Variants in FHIT observed in about 807,000 individuals in gnomAD.
The protein encoded by FHIT is bis(5'-adenosyl)-triphosphatase.
Under a neutral mutation model 17.9 loss-of-function variants are expected in FHIT, and 19 were observed. The observed-to-expected ratio is 1.06, with a 90% CI of 0.74 to 1.56. The LOEUF (loss-of-function observed/expected upper bound fraction) is 1.56. Ranked by LOEUF, FHIT falls within the 40% of genes most tolerant of loss-of-function variation. The pLI is 0.00. For missense variants in FHIT, 248 were observed against 189.2 expected, an observed-to-expected ratio of 1.31 and a Z score of -1.82; for synonymous variants, 81 against 69.7, an observed-to-expected ratio of 1.16 and a Z score of -0.81.
At position 59,938,799 on chromosome 3, in the gene FHIT, C is replaced by T. The variant is rs538833803; in HGVS notation, c.280-16385G>A. Among the ~76,000 whole-genome samples, 10 of 152,128 alleles carry T rather than the reference C, an allele frequency of 6.6e-5. No homozygotes were observed. The South Asian group carries it at 2.1e-3, about 32-fold the overall frequency. The stretch of plus-strand genomic sequence containing the variant: ...TGTAAAATATACTAGAAAAACCACC[C>T]CCTAACTAACTCCCCACAACCCAGG... On this transcript the variant is annotated intron_variant, in intron 7 of 9. Transcript: ENST00000492590.
intron 5 of FHIT, among the ~76,000 whole-genome samples, chr3:60,053,511 G>T (rs1020890648): frequency 6.6e-6 from 1 of 151,546 alleles, no homozygotes; most frequent in Admixed American, 6.6e-5. Flanking sequence ...ATGTGAACTG[G>T]CTATGGCAAA....
chr3:60,224,887 A>G (rs1422360149), intron 5 of FHIT, among the ~76,000 whole-genome samples: 4 of 151,698 alleles, frequency 2.6e-5, no homozygotes. Context: ...TGCCTGGCTA[A>G]TTTTTGTATT....
At chr3:60,368,622 C>T (rs1238251025) in intron 5 of FHIT, among the ~76,000 whole-genome samples, 4 of 151,862 alleles carry the variant, frequency 2.6e-5, no homozygotes, top group Non-Finnish European at 5.9e-5. Context: ...TGTAGCTTGC[C>T]TTTTTATTTT....
chr3:60,669,934 A>G lies in FHIT; in HGVS notation c.-17-132955T>C, dbSNP rs541732367. On this transcript the variant is annotated intron_variant, in intron 4 of 9. Transcript: ENST00000492590. ...TTAACCATTGTAATCATGCATTGTT[A>G]TCAATTGGCTTGGTCTTTTAAGATT... is the stretch of plus-strand genomic sequence containing the variant. Among the ~76,000 whole-genome samples the G allele has an allele frequency of 3.3e-5, 5 of 152,356 alleles. No homozygotes were observed. In the South Asian group the frequency reaches 1.0e-3, roughly 32 times the overall value.
intron 2 of FHIT, among the ~76,000 whole-genome samples, chr3:61,115,346 G>T (rs1189164893): frequency 6.6e-6 from 1 of 152,094 alleles, no homozygotes; most frequent in Admixed American, 6.6e-5. Flanking sequence ...TGTCTAGAGA[G>T]AGCCTGGCAT....
chr3:61,058,590 A>T (rs1282879086), intron 2 of FHIT, among the ~76,000 whole-genome samples: 1 of 152,016 alleles, frequency 6.6e-6, no homozygotes, highest in Non-Finnish European at 1.5e-5. Context: ...TTCCCCCTTT[A>T]GTCTCTTTCT....
At chr3:60,924,997 G>A (rs1198181955) in intron 3 of FHIT, among the ~76,000 whole-genome samples, 1 of 152,082 alleles carries the variant, frequency 6.6e-6, no homozygotes, top group African/African-American at 2.4e-5. Flanking sequence ...AGCAAGAAGG[G>A]AAGTTTAGAG....
chr3:60,469,906 T>C (rs2032993105), intron 5 of FHIT, among the ~76,000 whole-genome samples: 2 of 152,118 alleles, frequency 1.3e-5, no homozygotes, highest in Non-Finnish European at 2.9e-5. Flanking sequence ...ATTGCAGGCT[T>C]GTACAGATAC....
chr3:60,681,844 A>G (rs1553696968), intron 4 of FHIT, among the ~76,000 whole-genome samples: 1 of 152,190 alleles, frequency 6.6e-6, no homozygotes, highest in East Asian at 1.9e-4. Flanking sequence ...CTGATTCATG[A>G]GGTTCAAGGA....
At chr3:60,400,748 A>G (rs1369542463) in intron 5 of FHIT, among the ~76,000 whole-genome samples, 1 of 152,176 alleles carries the variant, frequency 6.6e-6, no homozygotes, top group Non-Finnish European at 1.5e-5. Flanking sequence ...AGAGAAGCTG[A>G]AAAGACTGAG....
At chr3:61,035,795 T>C (rs778825703) in intron 3 of FHIT, among the ~76,000 whole-genome samples, 1 of 152,116 alleles carries the variant, frequency 6.6e-6, no homozygotes, top group African/African-American at 2.4e-5. Context: ...CAGTAAAAAG[T>C]AAATTTGGAA....
intron 4 of FHIT, among the ~76,000 whole-genome samples, chr3:60,714,778 T>C (rs1295306071): frequency 5.3e-5 from 8 of 152,046 alleles, no homozygotes; most frequent in Non-Finnish European, 1.0e-4. Context: ...CTCAATGAAA[T>C]AAAAGAGGAT....
chr3:60,461,076 A>AAATACTTTT (rs5849366), intron 5 of FHIT, among the ~76,000 whole-genome samples: 11 of 151,932 alleles, frequency 7.2e-5, no homozygotes, highest in African/African-American at 2.7e-4. Flanking sequence ...AACGGCAAAA[A>AAATACTTTT]AATACTCTTC....
At chr3:60,347,621 C>T (rs541490372) in intron 5 of FHIT, among the ~76,000 whole-genome samples, 17 of 131,770 alleles carry the variant, frequency 1.3e-4, no homozygotes, top group East Asian at 2.3e-4. Context: ...GATGATTCTC[C>T]ACTTGGAAGC....
intron 7 of FHIT, among the ~76,000 whole-genome samples, chr3:59,964,235 G>C (rs1169745111): frequency 6.6e-6 from 1 of 152,082 alleles, no homozygotes; most frequent in Non-Finnish European, 1.5e-5. Flanking sequence ...TTTAGACCCA[G>C]AAAATTCCTT....
chr3:60,185,568 C>T (rs1281725199), intron 5 of FHIT, among the ~76,000 whole-genome samples: 4 of 152,106 alleles, frequency 2.6e-5, no homozygotes, highest in African/African-American at 9.7e-5. Context: ...ATGAATAAAG[C>T]TGAGACAAAC....
chr3:60,974,771 GATA>G (rs1275564328), intron 3 of FHIT, among the ~76,000 whole-genome samples: 1 of 152,194 alleles, frequency 6.6e-6, no homozygotes, highest in Non-Finnish European at 1.5e-5. Flanking sequence ...CCAGTCCACT[GATA>G]ATGTTTTACT....
At chr3:60,406,976 A>G (rs1701884562) in intron 5 of FHIT, among the ~76,000 whole-genome samples, 1 of 150,404 alleles carries the variant, frequency 6.6e-6, no homozygotes, top group Non-Finnish European at 1.5e-5. Context: ...CTATGCATAA[A>G]CCCCAATCTA....
Position 59,958,883 on chromosome 3 carries a change from GT to G in FHIT, c.280-36470del, listed in dbSNP as rs1184609236. ...CTCTTATATAAAGTGGTCAGGCTCA[GT>G]TTTCAGTATCAGGATTCAAAGCAGC... On this transcript the variant is annotated intron_variant, in intron 7 of 9. Transcript: ENST00000492590. 4.2e-4 allele frequency among the ~76,000 whole-genome samples: 64 copies of G among 152,266 alleles called. 1 individual carries two copies. Among genetic ancestry groups the G allele is most frequent in the African/African-American group, 1.5e-3 (61 of 41,546 alleles).
Sources: gnomAD v4.1 joint callset for allele counts (sites outside exome capture counted in the v4.1 genomes callset) on GRCh38, gnomAD v4.1.1 for gene constraint, MANE v1.5 for transcripts, NCBI Gene and HGNC (gene_info 2026-07-23, HGNC 2026-07-21) for gene names.